The following PRIMA1 variants were observed in gnomAD, a reference collection of about 807,000 sequenced individuals.
The protein encoded by PRIMA1 is proline rich membrane anchor 1.
PRIMA1 carries 7 observed loss-of-function variants against 17.5 expected under a neutral mutation model. The ratio of observed to expected loss-of-function variants is 0.40; its 90% CI spans 0.23 to 0.75. The LOEUF (loss-of-function observed/expected upper bound fraction) is 0.75. Among genes scored for constraint, PRIMA1 ranks in the 30% least tolerant of loss-of-function variants. The probability of loss-of-function intolerance (pLI) is 0.37; values close to 1 mark genes in which losing one functional copy is unlikely to be tolerated. For synonymous variants in PRIMA1, 97 were observed against 77.9 expected, an observed-to-expected ratio of 1.25 and a Z score of -1.29; for missense variants, 200 against 201.8, an observed-to-expected ratio of 0.99 and a Z score of 0.05.
rs1369473911 is a variant in PRIMA1, at chr14:93,787,727, G to A, written c.-9C>T. On this transcript the variant is annotated 5_prime_UTR_variant, in exon 2 of 5. Coordinates refer to ENST00000393140, the MANE Select transcript of PRIMA1 (RefSeq NM_178013.4). ...AAGTCCCGGAGGAGCATCTCGGCCA[G>A]CGGCGCCCGCTCCTGGGGCGAACTG... The A allele has an allele frequency of 6.5e-7, 1 of 1,542,190 alleles. No homozygotes were observed. The highest frequency in any genetic ancestry group is 1.4e-5 in the African/African-American group (1 of 73,014).
chr14:93,788,529 A>C (rs948743316), upstream of PRIMA1: 1 of 152,242 alleles, frequency 6.6e-6, no homozygotes, highest in Non-Finnish European at 1.5e-5. Context: ...CCGCCTCCCC[A>C]GTCCCCCGCC....
intron 3 of PRIMA1, among the ~76,000 whole-genome samples, chr14:93,766,764 C>T (rs1458228269): frequency 2.0e-5 from 3 of 152,196 alleles, no homozygotes; most frequent in Non-Finnish European, 4.4e-5. Flanking sequence ...TTAATATTTT[C>T]CCATGAACAG....
chr14:93,754,965 G>A (rs777343403), intron 3 of PRIMA1, among the ~76,000 whole-genome samples: 2 of 152,188 alleles, frequency 1.3e-5, no homozygotes, highest in Non-Finnish European at 2.9e-5. Flanking sequence ...GAGGCCTTTG[G>A]GAAGGCACGG....
In PRIMA1 at chr14:93,770,983, A is replaced by G. The variant is rs116628514; in HGVS notation, c.229+8193T>C. On this transcript the variant is annotated intron_variant, in intron 3 of 4. Coordinates refer to ENST00000393140, the MANE Select transcript of PRIMA1 (RefSeq NM_178013.4). The stretch of plus-strand genomic sequence containing the variant: ...ACTAACAAAGGATCAAGCATTGGTC[A>G]AGTCATTAATTACATATTTAAAAGG... Among the ~76,000 whole-genome samples, 881 of 152,358 alleles carry G rather than the reference A, an allele frequency of 5.8e-3. 6 individuals carry two copies. Among genetic ancestry groups the G allele is most frequent in the African/African-American group, 0.02 (841 of 41,572 alleles).
At chr14:93,759,481 G>T (rs1566972475) in intron 3 of PRIMA1, among the ~76,000 whole-genome samples, 1 of 152,176 alleles carries the variant, frequency 6.6e-6, no homozygotes, top group African/African-American at 2.4e-5. Flanking sequence ...ATGCATATAT[G>T]TGTGTGCGCG....
intron 4 of PRIMA1, among the ~76,000 whole-genome samples, chr14:93,723,847 C>G (rs143813390): frequency 3.9e-4 from 60 of 152,264 alleles, no homozygotes; most frequent in African/African-American, 1.3e-3. Flanking sequence ...GACCACCACC[C>G]ACTAACACTG....
At chr14:93,756,619 A>G (rs1017399391) in intron 3 of PRIMA1, among the ~76,000 whole-genome samples, 1 of 151,118 alleles carries the variant, frequency 6.6e-6, no homozygotes, top group African/African-American at 2.4e-5. Flanking sequence ...GATGCCAACT[A>G]CTCTCATGTG....
intron 3 of PRIMA1, among the ~76,000 whole-genome samples, chr14:93,776,862 CCT>C (rs908866554): frequency 7.2e-5 from 11 of 152,216 alleles, no homozygotes; most frequent in Admixed American, 2.0e-4. Flanking sequence ...TACTTCTCTC[CCT>C]TTTTAACAAA....
intron 3 of PRIMA1, among the ~76,000 whole-genome samples, chr14:93,741,843 A>T (rs2076186260): frequency 6.6e-6 from 1 of 152,046 alleles, no homozygotes; most frequent in African/African-American, 2.4e-5. Flanking sequence ...CCCAGCCAAG[A>T]TTCTGCAAAC....
chr14:93,727,121 A>C (rs1400182950), intron 4 of PRIMA1, among the ~76,000 whole-genome samples: 1 of 152,176 alleles, frequency 6.6e-6, no homozygotes, highest in African/African-American at 2.4e-5. Flanking sequence ...GGCATGCGGC[A>C]GACAAGCGTC....
chr14:93,780,211 G>A (rs1026647714), intron 2 of PRIMA1, among the ~76,000 whole-genome samples: 4 of 152,204 alleles, frequency 2.6e-5, no homozygotes, highest in Admixed American at 6.5e-5. Flanking sequence ...CCTCACAGAT[G>A]TGTCTCTGAC....
At chr14:93,735,580 C>G (rs8014232) in intron 4 of PRIMA1, among the ~76,000 whole-genome samples, 136,794 of 152,230 alleles carry the variant, frequency 0.9, 62,141 homozygotes, top group Middle Eastern at 0.97. Context: ...TGTCTTACCT[C>G]TTTGTATGCC....
At chr14:93,727,051 G>A (rs999949227) in intron 4 of PRIMA1, among the ~76,000 whole-genome samples, 8 of 152,196 alleles carry the variant, frequency 5.3e-5, no homozygotes, top group Admixed American at 2.6e-4. Flanking sequence ...CCTCGAGGGC[G>A]TCACCGTGAG....
At chr14:93,774,315 C>T (rs1262419600) in intron 3 of PRIMA1, among the ~76,000 whole-genome samples, 2 of 152,096 alleles carry the variant, frequency 1.3e-5, no homozygotes, top group East Asian at 1.9e-4. Flanking sequence ...CCAGGACAAG[C>T]GGGTCACCCT....
upstream of PRIMA1, chr14:93,788,615 C>T (rs914701013): frequency 2.6e-5 from 4 of 152,070 alleles, no homozygotes; most frequent in Non-Finnish European, 4.4e-5. Context: ...GGAGGAGCGC[C>T]CGGCGCTGGA....
rs779293897 is a variant in PRIMA1, at chr14:93,721,473, C to A, written c.433G>T (p.Gly145Ter). The change falls in exon 5 of 5, where the codon GGA (glycine) becomes TGA (stop). Residue 145 changes from glycine (G) to a stop codon, truncating the protein, a stop_gained. Coordinates refer to ENST00000393140, the MANE Select transcript of PRIMA1 (RefSeq NM_178013.4). LOFTEE classifies it high-confidence loss of function. The part of the protein sequence containing the change: ...YPMSASQSNK[G>*]VDVNNAVV ...ACCACTGCGTTGTTCACGTCTACTC[C>A]TTTGTTGCTCTGCGAAGCACTCATG... 6.2e-7 allele frequency: 1 copy of A among 1,613,702 alleles called. No individual in the cohort carries two copies. The highest frequency in any genetic ancestry group is 1.7e-5 in the Admixed American group (1 of 60,006).
intron 4 of PRIMA1, among the ~76,000 whole-genome samples, chr14:93,727,940 C>T (rs1414187628): frequency 3.3e-5 from 5 of 152,248 alleles, no homozygotes; most frequent in Admixed American, 2.6e-4. Flanking sequence ...TCCCCTGCAT[C>T]CTACGCTGCT....
chr14:93,769,153 G>C (rs761345944), intron 3 of PRIMA1, among the ~76,000 whole-genome samples: 1 of 152,202 alleles, frequency 6.6e-6, no homozygotes, highest in Non-Finnish European at 1.5e-5. Flanking sequence ...GGCAGAGTCA[G>C]CCCATTTTAT....
At chr14:93,757,724 T>TG (rs1298212365) in intron 3 of PRIMA1, among the ~76,000 whole-genome samples, 6 of 150,660 alleles carry the variant, frequency 4.0e-5, no homozygotes, top group Non-Finnish European at 5.9e-5. Context: ...TTAGTGGAAA[T>TG]GGGGAAAAAA....
Sources: gnomAD v4.1 joint callset for allele counts (sites outside exome capture counted in the v4.1 genomes callset) on GRCh38, gnomAD v4.1.1 for gene constraint, MANE v1.5 for transcripts, NCBI Gene and HGNC (gene_info 2026-07-23, HGNC 2026-07-21) for gene names.